The following MGST1 variants were observed in gnomAD, a reference collection of about 807,000 sequenced individuals.
MGST1 encodes the protein glutathione S-transferase 12.
Under a neutral mutation model 8.9 loss-of-function variants are expected in MGST1, and 5 were observed. The ratio of observed to expected loss-of-function variants is 0.56; its 90% CI spans 0.29 to 1.19. MGST1 has a LOEUF of 1.19. MGST1 is among the 50% of genes most tolerant of loss of function. The pLI, the probability that MGST1 is intolerant of heterozygous loss-of-function variation, is 0.08. For synonymous variants in MGST1, 54 were observed against 67.8 expected (o/e 0.80, Z 1.00); for missense variants, 182 against 187.4 (o/e 0.97, Z 0.17).
intron 4 of MGST1, among the ~76,000 whole-genome samples, chr12:16,507,618 G>T (rs961528047): frequency 6.6e-6 from 1 of 152,168 alleles, no homozygotes; most frequent in Non-Finnish European, 1.5e-5. Flanking sequence ...AGCTGTTCAG[G>T]AAACATAGCT....
intron 1 of MGST1, among the ~76,000 whole-genome samples, chr12:16,429,677 C>T (rs1021967974): frequency 1.3e-5 from 2 of 152,150 alleles, no homozygotes; most frequent in Admixed American, 1.3e-4. Flanking sequence ...ATGCAATATT[C>T]TTATGTCTAA....
At chr12:16,391,589 G>A (rs1940553404) in intron 1 of MGST1, among the ~76,000 whole-genome samples, 1 of 152,022 alleles carries the variant, frequency 6.6e-6, no homozygotes, top group African/African-American at 2.4e-5. Context: ...CTTCTTAATG[G>A]GGTTGTCTGT....
intron 4 of MGST1, among the ~76,000 whole-genome samples, chr12:16,485,591 C>A (rs1255524787): frequency 1.3e-5 from 2 of 152,086 alleles, no homozygotes; most frequent in African/African-American, 4.8e-5. Flanking sequence ...TATCTTTTAC[C>A]GTTCTCACTA....
At chr12:16,461,120 A>C (rs1941215732) in intron 4 of MGST1, among the ~76,000 whole-genome samples, 1 of 151,818 alleles carries the variant, frequency 6.6e-6, no homozygotes, top group Non-Finnish European at 1.5e-5. Flanking sequence ...GGAGACAACT[A>C]AGTTAAGAGG....
intron 3 of MGST1, among the ~76,000 whole-genome samples, chr12:16,359,285 CCA>C (rs2136969427): frequency 6.6e-6 from 1 of 152,278 alleles, no homozygotes; most frequent in East Asian, 1.9e-4. Flanking sequence ...TCCTCTAGCC[CCA>C]CAGACTCTTC....
At chr12:16,349,776 G>T (rs1474617135) in intron 1 of MGST1, among the ~76,000 whole-genome samples, 2 of 133,890 alleles carry the variant, frequency 1.5e-5, no homozygotes, top group Non-Finnish European at 3.1e-5. Context: ...ACGGGGTCTC[G>T]CACTGTCACC....
At position 16,513,608 on chromosome 12, in the gene MGST1, A is replaced by G. The variant is rs928649198; in HGVS notation, n.483-75920A>G. ...AGTGCCTACAGGGACCACAACGGAA[A>G]GCCTTACAGCATCCACAAGGCAGAG... On this transcript the variant is annotated intron_variant and non_coding_transcript_variant, in intron 4 of 4. Transcript: ENST00000538857. The surrounding 1 kb of genome is among the most constrained non-coding windows in gnomAD (Gnocchi z 4.2). The G allele has an allele frequency of 2.0e-6, 1 of 494,174 alleles. No individual in the cohort carries two copies. The highest frequency in any genetic ancestry group is 4.1e-6 in the Non-Finnish European group (1 of 242,590). 30.6% of individuals were successfully genotyped at this position (494,174 alleles called of 1,614,324 possible). A position where few individuals can be genotyped will look rare whatever the true frequency, so the allele number is the denominator to read the frequency against.
At position 16,503,637 on chromosome 12, in the gene MGST1, G is replaced by A. The variant is rs371350436; in HGVS notation, n.483-85891G>A. On this transcript the variant is annotated intron_variant and non_coding_transcript_variant, in intron 4 of 4. Transcript: ENST00000538857. This position sits in a 1 kb window ranked among gnomAD's most constrained non-coding sequence, Gnocchi z 4.8. Reference sequence around the variant, plus strand: ...GGAGGTAGGGCTTGAACCCCAGACCGAAAGGAGGGCTAGTTGAAATAGGGA... The same window carrying A: ...GGAGGTAGGGCTTGAACCCCAGACCAAAAGGAGGGCTAGTTGAAATAGGGA... Among the ~76,000 whole-genome samples the A allele has an allele frequency of 2.6e-5, 4 of 152,102 alleles. No homozygotes were observed. Among genetic ancestry groups the A allele is most frequent in the East Asian group, 1.9e-4 (1 of 5,162 alleles).
chr12:16,361,818 C>G lies in MGST1; in HGVS notation c.222-1977C>G, dbSNP rs1439287362. On this transcript the variant is annotated intron_variant, in intron 3 of 3. Transcript: ENST00000396210. The surrounding 1 kb of genome is among the most constrained non-coding windows in gnomAD (Gnocchi z 4.2). ...GAGGGCTGACGAAAGAGAAAGAGAA[C>G]TCAAAAGGGAGAATAAGATAAAGAG... Among the ~76,000 whole-genome samples, 1 of 152,082 alleles carries G rather than the reference C, an allele frequency of 6.6e-6. No individual in the cohort carries two copies. Among genetic ancestry groups the G allele is most frequent in the Non-Finnish European group, 1.5e-5 (1 of 68,008 alleles).
At chr12:16,391,254 T>C (rs953106230) in intron 1 of MGST1, among the ~76,000 whole-genome samples, 13 of 151,906 alleles carry the variant, frequency 8.6e-5, no homozygotes, top group Admixed American at 7.2e-4. Context: ...CAACCCATCA[T>C]CTAGGTTTTA....
rs1223026751 is a variant in MGST1, at chr12:16,546,361, C to T, written n.483-43167C>T. 6.6e-6 allele frequency among the ~76,000 whole-genome samples: 1 copy of T among 152,088 alleles called. No individual in the cohort carries two copies. Among genetic ancestry groups the T allele is most frequent in the Non-Finnish European group, 1.5e-5 (1 of 67,996 alleles). On this transcript the variant is annotated intron_variant and non_coding_transcript_variant, in intron 4 of 4. Transcript: ENST00000538857. The surrounding 1 kb of genome is among the most constrained non-coding windows in gnomAD (Gnocchi z 4.7). Reference sequence around the variant, plus strand: ...ACTTTGCCCGTAAAGCCAAAATATTCTGTAATCACCCCGGTGATACCAATT... The same window carrying T: ...ACTTTGCCCGTAAAGCCAAAATATTTTGTAATCACCCCGGTGATACCAATT...
At chr12:16,471,705 A>G (rs1019273016) in intron 4 of MGST1, among the ~76,000 whole-genome samples, 2 of 152,202 alleles carry the variant, frequency 1.3e-5, no homozygotes, top group African/African-American at 4.8e-5. Context: ...GCTTTATACT[A>G]AATTTACTAT....
intron 1 of MGST1, among the ~76,000 whole-genome samples, chr12:16,419,897 A>T (rs1940819457): frequency 6.6e-6 from 1 of 152,154 alleles, no homozygotes; most frequent in Non-Finnish European, 1.5e-5. Flanking sequence ...TAGCTCCAAC[A>T]GTCTAATCAG....
At chr12:16,357,771 C>A in intron 3 of MGST1, 72 bp downstream of exon 3, 1 of 1,283,750 alleles carries the variant, frequency 7.8e-7, no homozygotes, top group South Asian at 1.3e-5. Flanking sequence ...GAAGATGTCT[C>A]AGGGTCTTGG....
intron 2 of MGST1, among the ~76,000 whole-genome samples, chr12:16,357,170 T>C (rs964338326): frequency 6.6e-6 from 1 of 152,216 alleles, no homozygotes; most frequent in African/African-American, 2.4e-5. Context: ...GATTTATTGC[T>C]CCAAATGGGC....
intron 4 of MGST1, among the ~76,000 whole-genome samples, chr12:16,538,195 A>G (rs1176887434): frequency 6.6e-6 from 1 of 152,150 alleles, no homozygotes; most frequent in Non-Finnish European, 1.5e-5. Flanking sequence ...AAATGCCACC[A>G]TTCTCTCTGC....
chr12:16,352,520 T>G (rs1357597841), intron 1 of MGST1, among the ~76,000 whole-genome samples: 1 of 152,146 alleles, frequency 6.6e-6, no homozygotes, highest in Non-Finnish European at 1.5e-5. Context: ...GAGAAGTAGA[T>G]AGCAGGGCTG....
chr12:16,382,555 G>A (rs544702703), upstream of MGST1, among the ~76,000 whole-genome samples: 76 of 152,284 alleles, frequency 5.0e-4, no homozygotes, highest in African/African-American at 1.8e-3. Flanking sequence ...CCTACTGGGG[G>A]GGTGCCTCCC....
intron 1 of MGST1, among the ~76,000 whole-genome samples, chr12:16,403,216 G>C (rs1290082399): frequency 6.6e-6 from 1 of 152,058 alleles, no homozygotes; most frequent in South Asian, 2.1e-4. Context: ...TAGTTAAATG[G>C]TTTAAATTTT....
Sources: allele counts gnomAD v4.1 joint callset (sites outside exome capture counted in the v4.1 genomes callset), GRCh38; gene constraint gnomAD v4.1.1; non-coding constraint Gnocchi (gnomAD v3.1); transcripts MANE v1.5; gene names NCBI Gene and HGNC (gene_info 2026-07-23, HGNC 2026-07-21).